The following TOM1L1 variants were observed in gnomAD, a reference collection of about 807,000 sequenced individuals.
The protein encoded by TOM1L1 is TOM1-like protein 1.
Under a neutral mutation model 63.4 loss-of-function variants are expected in TOM1L1, and 64 were observed. The ratio of observed to expected loss-of-function variants is 1.01; its 90% CI spans 0.83 to 1.24. The LOEUF (loss-of-function observed/expected upper bound fraction) is 1.24, where lower values mean the gene tolerates loss of function less well. Ranked by LOEUF, TOM1L1 falls within the 50% of genes most tolerant of loss-of-function variation. TOM1L1 has a pLI of 0.00. For synonymous variants in TOM1L1, 166 were observed against 194.4 expected (o/e 0.85, Z 1.22); for missense variants, 536 against 567.0 (o/e 0.95, Z 0.55).
At chr17:54,950,182 A>T in intron 14 of TOM1L1, 56 bp downstream of exon 14, 2 of 1,337,642 alleles carry the variant, frequency 1.5e-6, no homozygotes, top group Non-Finnish European at 2.1e-6. Context: ...CTTTGATAGC[A>T]GAGCTAACAG....
intron 14 of TOM1L1, chr17:54,959,357 A>G (rs1377533955): frequency 6.6e-6 from 1 of 152,202 alleles, no homozygotes; most frequent in African/African-American, 2.4e-5. Flanking sequence ...TTATGCCTCT[A>G]ATCCCAACAT....
chr17:54,913,772 G>A lies in TOM1L1; in HGVS notation c.397G>A (p.Gly133Ser). ...GACTTGGTCACAGGGCTTCCCAGGAGGTGTGGATGTAAGCGAAGTCAAAGA... is the reference window on the plus strand; with the variant it reads ...GACTTGGTCACAGGGCTTCCCAGGAAGTGTGGATGTAAGCGAAGTCAAAGA... The part of the protein sequence containing the change: ...IKTWSQGFPG[G>S]VDVSEVKEVY... Residue 133 changes from glycine to serine, a missense_variant, in exon 5 of 16, where the codon GGT becomes AGT. By Grantham distance (56) the Gly-to-Ser change is moderately conservative (BLOSUM62 0). Transcript: ENST00000575882. 6.2e-7 allele frequency: 1 copy of A among 1,611,804 alleles called. No individual in the cohort carries two copies. The highest frequency in any genetic ancestry group is 8.5e-7 in the Non-Finnish European group (1 of 1,178,636).
At chr17:54,934,050 G>A (rs59199526) in intron 8 of TOM1L1, among the ~76,000 whole-genome samples, 4,756 of 152,300 alleles carry the variant, frequency 0.031, 181 homozygotes, top group African/African-American at 0.09. Flanking sequence ...AGTCACTCAT[G>A]CCTTAGTCTG....
At chr17:54,938,722 G>A in intron 10 of TOM1L1, 1 of 448,288 alleles carries the variant, frequency 2.2e-6, no homozygotes, top group Non-Finnish European at 3.9e-6. Flanking sequence ...TACCATAAAT[G>A]ATGCTTTTTA....
intron 14 of TOM1L1, among the ~76,000 whole-genome samples, chr17:54,955,576 AGT>A (rs2049458616): frequency 6.6e-6 from 1 of 152,212 alleles, no homozygotes; most frequent in African/African-American, 2.4e-5. Flanking sequence ...GCCACAGACA[AGT>A]AAGAATATTG....
intron 7 of TOM1L1, among the ~76,000 whole-genome samples, chr17:54,921,922 G>A (rs948679666): frequency 6.6e-6 from 1 of 152,036 alleles, no homozygotes; most frequent in African/African-American, 2.4e-5. Context: ...ATAAACAGTC[G>A]ATTCACACAT....
intron 14 of TOM1L1, among the ~76,000 whole-genome samples, chr17:54,960,084 C>A (rs1251755199): frequency 6.6e-6 from 1 of 151,548 alleles, no homozygotes; most frequent in Non-Finnish European, 1.5e-5. Context: ...ACAATAAGGC[C>A]GGGTGTGGTG....
chr17:54,934,652 G>C (rs1397741205), intron 8 of TOM1L1, among the ~76,000 whole-genome samples: 3 of 152,042 alleles, frequency 2.0e-5, no homozygotes, highest in Non-Finnish European at 4.4e-5. Flanking sequence ...ATCTAGGAAG[G>C]TTGTTCATAC....
intron 10 of TOM1L1, chr17:54,938,659 T>C (rs1201488176): frequency 6.1e-6 from 2 of 329,816 alleles, no homozygotes; most frequent in Non-Finnish European, 1.1e-5. Flanking sequence ...ATAATATTTG[T>C]TACCCTTACA....
Position 54,937,092 on chromosome 17 carries a change from T to TC in TOM1L1, c.916-17_916-16insC. The TC allele has an allele frequency of 6.3e-7, 1 of 1,576,202 alleles. No homozygotes were observed. The highest frequency in any genetic ancestry group is 8.7e-7 in the Non-Finnish European group (1 of 1,154,126). On this transcript the variant is annotated splice_polypyrimidine_tract_variant and intron_variant, in intron 9 of 15. Coordinates refer to ENST00000575882, the MANE Select transcript of TOM1L1 (RefSeq NM_005486.3). ...TAAACTACATGACACTTTTTTTTTT[T>TC]TTTGCTTTGTTTTCAGACTACCAGT... is the stretch of plus-strand genomic sequence containing the variant.
At chr17:54,910,395 G>A (rs2048478955) in intron 3 of TOM1L1, among the ~76,000 whole-genome samples, 1 of 152,200 alleles carries the variant, frequency 6.6e-6, no homozygotes. Context: ...GGCAGAGGTT[G>A]CAGTGAGTCG....
chr17:54,961,309 A>G lies in TOM1L1; in HGVS notation c.*76A>G. On this transcript the variant is annotated 3_prime_UTR_variant, in exon 16 of 16. Transcript: ENST00000575882. ...AAAACGTAGACTCTGTGCAGCTTTGAAGCCTGGAAGACAATACCTACCAAC... is the reference window on the plus strand; with the variant it reads ...AAAACGTAGACTCTGTGCAGCTTTGGAGCCTGGAAGACAATACCTACCAAC... 1 of 1,551,576 alleles carries G rather than the reference A, an allele frequency of 6.4e-7. No individual in the cohort carries two copies. The highest frequency in any genetic ancestry group is 8.7e-7 in the Non-Finnish European group (1 of 1,146,900).
chr17:54,909,283 C>A (rs1204748726), intron 3 of TOM1L1, among the ~76,000 whole-genome samples: 1 of 152,080 alleles, frequency 6.6e-6, no homozygotes, highest in East Asian at 1.9e-4. Context: ...CAAAACAAAA[C>A]CATGTGGTTG....
intron 13 of TOM1L1, 57 bp downstream of exon 13, chr17:54,949,680 C>A: frequency 7.4e-7 from 1 of 1,356,184 alleles, no homozygotes; most frequent in South Asian, 1.2e-5. Context: ...ATATATGAGT[C>A]TGCCAGAGAT....
intron 11 of TOM1L1, among the ~76,000 whole-genome samples, chr17:54,943,001 C>CA (rs2049056121): frequency 2.0e-5 from 3 of 152,124 alleles, no homozygotes. Flanking sequence ...CTCATGCATT[C>CA]GGCTATGTTG....
chr17:54,943,328 T>C (rs2049061087), intron 11 of TOM1L1, among the ~76,000 whole-genome samples: 1 of 152,086 alleles, frequency 6.6e-6, no homozygotes, highest in Admixed American at 6.6e-5. Context: ...TATATAGTTA[T>C]TCTATGTGTT....
At chr17:54,956,301 TGCCTG>T (rs1230897468) in intron 14 of TOM1L1, among the ~76,000 whole-genome samples, 1 of 152,020 alleles carries the variant, frequency 6.6e-6, no homozygotes, top group African/African-American at 2.4e-5. Flanking sequence ...TGTGCTACCA[TGCCTG>T]GCTAATTTAA....
At chr17:54,954,776 C>CAG (rs1232133400) in intron 14 of TOM1L1, 1 of 152,178 alleles carries the variant, frequency 6.6e-6, no homozygotes, top group East Asian at 1.9e-4. Flanking sequence ...TCCCTTTGGC[C>CAG]AATTTACATA....
At chr17:54,913,260 A>G (rs1262652788) in intron 4 of TOM1L1, among the ~76,000 whole-genome samples, 1 of 152,174 alleles carries the variant, frequency 6.6e-6, no homozygotes, top group East Asian at 1.9e-4. Context: ...AAGATTTTAT[A>G]TTTTCCTAGC....
Sources: gnomAD v4.1 joint callset for allele counts (sites outside exome capture counted in the v4.1 genomes callset) on GRCh38, gnomAD v4.1.1 for gene constraint, MANE v1.5 for transcripts, NCBI Gene and HGNC (gene_info 2026-07-23, HGNC 2026-07-21) for gene names.